FHIT: variants seen among roughly 807,000 people sequenced by gnomAD.
The protein encoded by FHIT is fragile histidine triad diadenosine triphosphatase, also known as bis(5'-adenosyl)-triphosphatase.
Under a neutral mutation model 17.9 loss-of-function variants are expected in FHIT, and 19 were observed. The ratio of observed to expected loss-of-function variants is 1.06; its 90% CI spans 0.74 to 1.56. The LOEUF is 1.56. FHIT is among the 40% of genes most tolerant of loss of function. The pLI, the probability that FHIT is intolerant of heterozygous loss-of-function variation, is 0.00. For missense variants in FHIT, 248 were observed against 189.2 expected, an observed-to-expected ratio of 1.31 and a Z score of -1.82; for synonymous variants, 81 against 69.7, an observed-to-expected ratio of 1.16 and a Z score of -0.81.
chr3:60,513,614 C>G (rs550160523), intron 5 of FHIT, among the ~76,000 whole-genome samples: 1 of 152,138 alleles, frequency 6.6e-6, no homozygotes, highest in Non-Finnish European at 1.5e-5. Flanking sequence ...CACACAGGAA[C>G]AGAAAACCAA....
chr3:60,118,301 A>T (rs56334439), intron 5 of FHIT, among the ~76,000 whole-genome samples: 1 of 148,324 alleles, frequency 6.7e-6, no homozygotes, highest in African/African-American at 2.5e-5. Context: ...TTTTTTGTAG[A>T]GACAGGGTCT....
intron 3 of FHIT, among the ~76,000 whole-genome samples, chr3:60,906,574 A>AG (rs1706433928): frequency 6.6e-6 from 1 of 152,200 alleles, no homozygotes; most frequent in Non-Finnish European, 1.5e-5. Context: ...GGAAAATGTA[A>AG]GGTAAGGTTG....
intron 5 of FHIT, among the ~76,000 whole-genome samples, chr3:60,093,093 C>G (rs1404835448): frequency 6.6e-6 from 1 of 152,130 alleles, no homozygotes; most frequent in Non-Finnish European, 1.5e-5. Flanking sequence ...CAGATTAACA[C>G]AAACTTAGTG....
At chr3:60,133,405 G>A (rs1193860431) in intron 5 of FHIT, among the ~76,000 whole-genome samples, 1 of 152,138 alleles carries the variant, frequency 6.6e-6, no homozygotes, top group Non-Finnish European at 1.5e-5. Context: ...CCTGCCTGGA[G>A]GGGTAGAGCA....
intron 5 of FHIT, among the ~76,000 whole-genome samples, chr3:60,441,794 AT>A (rs2030890446): frequency 1.5e-4 from 7 of 47,044 alleles, no homozygotes; most frequent in African/African-American, 3.8e-4. Flanking sequence ...ATATATATAT[AT>A]ATATATATAT....
chr3:59,951,997 C>T (rs565786017), intron 7 of FHIT, among the ~76,000 whole-genome samples: 1 of 152,234 alleles, frequency 6.6e-6, no homozygotes, highest in East Asian at 1.9e-4. Flanking sequence ...TGATTTGCCT[C>T]CCCCAAATTC....
chr3:60,769,708 G>C (rs967634816), intron 4 of FHIT, among the ~76,000 whole-genome samples: 24 of 152,218 alleles, frequency 1.6e-4, no homozygotes, highest in African/African-American at 5.8e-4. Flanking sequence ...AACGCAGTTT[G>C]AACATTCAGC....
chr3:60,278,609 G>T (rs1191029984), intron 5 of FHIT, among the ~76,000 whole-genome samples: 1 of 151,970 alleles, frequency 6.6e-6, no homozygotes, highest in Non-Finnish European at 1.5e-5. Flanking sequence ...AAAGCCCAAA[G>T]ACAACAGGGA....
At chr3:60,089,990 G>C (rs1703662585) in intron 5 of FHIT, among the ~76,000 whole-genome samples, 1 of 152,152 alleles carries the variant, frequency 6.6e-6, no homozygotes, top group Non-Finnish European at 1.5e-5. Context: ...CACTTATGTA[G>C]TGCTTACTGT....
At chr3:59,859,938 A>G (rs1702336388) in intron 8 of FHIT, among the ~76,000 whole-genome samples, 1 of 152,176 alleles carries the variant, frequency 6.6e-6, no homozygotes, top group Admixed American at 6.5e-5. Flanking sequence ...AATAGTAATG[A>G]GAAGAGTGCT....
chr3:59,825,631 C>T (rs752150576), intron 8 of FHIT, among the ~76,000 whole-genome samples: 2 of 152,202 alleles, frequency 1.3e-5, no homozygotes, highest in Non-Finnish European at 2.9e-5. Flanking sequence ...AAGGCACAGA[C>T]AGTTTAAGAT....
intron 5 of FHIT, among the ~76,000 whole-genome samples, chr3:60,341,203 T>G (rs1710501159): frequency 6.6e-6 from 1 of 152,176 alleles, no homozygotes; most frequent in African/African-American, 2.4e-5. Flanking sequence ...GTGTGTTGTT[T>G]TGAGCTGGAT....
Position 61,238,911 on chromosome 3 carries a change from C to T in FHIT, c.-213+12390G>A, listed in dbSNP as rs72881713. 3.6e-3 allele frequency among the ~76,000 whole-genome samples: 549 copies of T among 152,266 alleles called. 3 individuals carry two copies. Among genetic ancestry groups the T allele is most frequent in the African/African-American group, 0.012 (507 of 41,546 alleles). On this transcript the variant is annotated intron_variant, in intron 1 of 9. Coordinates refer to ENST00000492590, the MANE Select transcript of FHIT (RefSeq NM_002012.4). ...AATCAGGAGGGATATGGATGTGATA[C>T]CGCATTAGGGGGCAGAAGTGGGTAT...
chr3:59,927,207 A>C (rs6782393), intron 7 of FHIT, among the ~76,000 whole-genome samples: 12,711 of 152,206 alleles, frequency 0.084, 764 homozygotes, highest in East Asian at 0.31. Context: ...AAAAACGGCC[A>C]CATATTGTAC....
At chr3:60,109,195 T>A (rs1406550579) in intron 5 of FHIT, among the ~76,000 whole-genome samples, 1 of 152,040 alleles carries the variant, frequency 6.6e-6, no homozygotes, top group Admixed American at 6.6e-5. Context: ...GCCAGGAAGT[T>A]TTTTCTCCCC....
intron 5 of FHIT, among the ~76,000 whole-genome samples, chr3:60,397,602 C>A (rs1701498401): frequency 6.6e-6 from 1 of 152,182 alleles, no homozygotes; most frequent in Non-Finnish European, 1.5e-5. Context: ...CAACAAGAGA[C>A]CTCAGTGGCC....
chr3:60,794,736 C>T (rs1434483837), intron 4 of FHIT, among the ~76,000 whole-genome samples: 9 of 152,172 alleles, frequency 5.9e-5, no homozygotes, highest in South Asian at 2.1e-4. Context: ...ATAATGAGTC[C>T]GTAAATGAGT....
intron 4 of FHIT, among the ~76,000 whole-genome samples, chr3:60,727,766 G>T (rs2041946185): frequency 6.6e-6 from 1 of 152,324 alleles, no homozygotes; most frequent in East Asian, 1.9e-4. Context: ...CACTTTCGGA[G>T]GCCGAGGCGG....
chr3:59,762,956 G>A (rs555782762), intron 8 of FHIT, among the ~76,000 whole-genome samples: 1 of 152,318 alleles, frequency 6.6e-6, no homozygotes, highest in South Asian at 2.1e-4. Flanking sequence ...CTGAAAAGGA[G>A]GTTTGTGATG....
Sources: allele counts gnomAD v4.1 joint callset (sites outside exome capture counted in the v4.1 genomes callset), GRCh38; gene constraint gnomAD v4.1.1; transcripts MANE v1.5; gene names NCBI Gene and HGNC (gene_info 2026-07-23, HGNC 2026-07-21).